The following RB1CC1 variants were observed in gnomAD, a reference collection of about 807,000 sequenced individuals.
The protein encoded by RB1CC1 is RB1 inducible coiled-coil 1, also known as RB1-inducible coiled-coil protein 1.
Under a neutral mutation model 177.5 loss-of-function variants are expected in RB1CC1, and 46 were observed. The ratio of observed to expected loss-of-function variants is 0.26; its 90% CI spans 0.20 to 0.33. The LOEUF is 0.33. Among genes scored for constraint, RB1CC1 ranks in the 10% least tolerant of loss-of-function variants. The pLI is 1.00. For synonymous variants in RB1CC1, 666 were observed against 613.6 expected, an observed-to-expected ratio of 1.09 and a Z score of -1.26; for missense variants, 1,703 against 1,816.3, an observed-to-expected ratio of 0.94 and a Z score of 1.13.
intron 21 of RB1CC1, among the ~76,000 whole-genome samples, chr8:52,629,424 T>A (rs537071457): frequency 6.6e-6 from 1 of 152,164 alleles, no homozygotes; most frequent in African/African-American, 2.4e-5. Flanking sequence ...AACCATTCAA[T>A]TGATAAATTC....
intron 15 of RB1CC1, among the ~76,000 whole-genome samples, chr8:52,655,284 A>C (rs540277901): frequency 1.3e-5 from 2 of 152,326 alleles, no homozygotes; most frequent in South Asian, 4.1e-4. Context: ...GTTGAAATAT[A>C]TATGTATTCA....
At chr8:52,697,586 CA>C (rs573139200) in intron 1 of RB1CC1, among the ~76,000 whole-genome samples, 253 of 152,114 alleles carry the variant, frequency 1.7e-3, no homozygotes, top group Non-Finnish European at 3.3e-3. Flanking sequence ...ACTAGTCTAG[CA>C]AAAATAAGCG....
chr8:52,633,434 G>A (rs113403513), intron 20 of RB1CC1, among the ~76,000 whole-genome samples: 28 of 152,128 alleles, frequency 1.8e-4, no homozygotes, highest in East Asian at 7.7e-4. Flanking sequence ...CATAAAACAC[G>A]TATTGAGTCA....
intron 20 of RB1CC1, 142 bp downstream of exon 20, chr8:52,634,779 T>A (rs1849004923): frequency 1.5e-6 from 1 of 648,110 alleles, no homozygotes; most frequent in Non-Finnish European, 2.5e-6. Flanking sequence ...TCAATAGGAT[T>A]CAATGACCAA....
chr8:52,634,858 A>C, intron 20 of RB1CC1, 63 bp downstream of exon 20: 1 of 1,357,212 alleles, frequency 7.4e-7, no homozygotes, highest in Non-Finnish European at 1.0e-6. Context: ...TATCTTCATA[A>C]TGAAATATAA....
At chr8:52,652,263 G>A (rs1281899570) in intron 15 of RB1CC1, among the ~76,000 whole-genome samples, 3 of 151,890 alleles carry the variant, frequency 2.0e-5, no homozygotes, top group Non-Finnish European at 2.9e-5. Context: ...TCAGGAGATC[G>A]AGACCATCCT....
At chr8:52,631,676 A>T (rs189826404) in intron 20 of RB1CC1, among the ~76,000 whole-genome samples, 2 of 152,280 alleles carry the variant, frequency 1.3e-5, no homozygotes, top group East Asian at 3.9e-4. Flanking sequence ...ATTGGTCCAA[A>T]CTACCTTTAA....
At chr8:52,638,326 A>G (rs1239137484) in intron 18 of RB1CC1, among the ~76,000 whole-genome samples, 1 of 152,210 alleles carries the variant, frequency 6.6e-6, no homozygotes, top group Non-Finnish European at 1.5e-5. Context: ...CATTTCTGAA[A>G]TAAAGCCAAT....
chr8:52,635,069 C>G, intron 19 of RB1CC1, 101 bp from the exon 20 acceptor site: 1 of 1,100,400 alleles, frequency 9.1e-7, no homozygotes, highest in Admixed American at 2.6e-5. Context: ...ATGTTTGGTT[C>G]GGGTATGAAA....
At chr8:52,649,477 T>C (rs1850371012) in intron 15 of RB1CC1, among the ~76,000 whole-genome samples, 1 of 152,212 alleles carries the variant, frequency 6.6e-6, no homozygotes, top group Non-Finnish European at 1.5e-5. Flanking sequence ...GCTTGAACTC[T>C]TAACACTGAC....
intron 18 of RB1CC1, among the ~76,000 whole-genome samples, chr8:52,640,501 A>G (rs1849481764): frequency 1.3e-5 from 2 of 152,210 alleles, no homozygotes; most frequent in South Asian, 4.1e-4. Flanking sequence ...CAATCAAAAA[A>G]GCCTTAAATT....
At chr8:52,626,873 C>A (rs1467107383) in intron 22 of RB1CC1, among the ~76,000 whole-genome samples, 2 of 152,094 alleles carry the variant, frequency 1.3e-5, no homozygotes, top group African/African-American at 4.8e-5. Flanking sequence ...CAAAGTGAGA[C>A]CCTGCCTCTA....
At chr8:52,699,985 C>A (rs1223903319) in intron 1 of RB1CC1, among the ~76,000 whole-genome samples, 1 of 151,352 alleles carries the variant, frequency 6.6e-6, no homozygotes, top group East Asian at 1.9e-4. Context: ...TAAAAGGCTA[C>A]TACAAAGAAC....
intron 20 of RB1CC1, among the ~76,000 whole-genome samples, chr8:52,633,908 G>A (rs1848936833): frequency 6.6e-6 from 1 of 152,114 alleles, no homozygotes; most frequent in Non-Finnish European, 1.5e-5. Context: ...GGACAAGATG[G>A]TGAAACCCCA....
In RB1CC1 at chr8:52,642,607, ATTT is replaced by A; in HGVS notation, c.4097-19_4097-17del. Reference sequence around the variant, plus strand: ...TCTATCAAATCTGAAGGACACCCAAATTTAAAAAAGTATCATGTAATTAAAAAA... The same window carrying A: ...TCTATCAAATCTGAAGGACACCCAAAAAAAAAGTATCATGTAATTAAAAAA... On this transcript the variant is annotated splice_polypyrimidine_tract_variant and intron_variant, in intron 17 of 23. Coordinates refer to ENST00000025008, the MANE Select transcript of RB1CC1 (RefSeq NM_014781.5). 6.2e-7 allele frequency: 1 copy of A among 1,609,730 alleles called. No homozygotes were observed. The highest frequency in any genetic ancestry group is 1.7e-5 in the Admixed American group (1 of 59,114).
At chr8:52,706,471 G>C (rs1304748128) in intron 1 of RB1CC1, among the ~76,000 whole-genome samples, 1 of 151,358 alleles carries the variant, frequency 6.6e-6, no homozygotes, top group Non-Finnish European at 1.5e-5. Flanking sequence ...CCGCCTCCCA[G>C]GTTCAAGAGA....
intron 1 of RB1CC1, among the ~76,000 whole-genome samples, chr8:52,693,415 C>G (rs1437123014): frequency 3.3e-5 from 5 of 151,654 alleles, no homozygotes; most frequent in African/African-American, 1.2e-4. Context: ...GGAACTTAAA[C>G]AAATTTACAA....
chr8:52,656,636 C>T lies in RB1CC1; in HGVS notation c.3193G>A (p.Ala1065Thr). The T allele has an allele frequency of 1.9e-6, 3 of 1,613,886 alleles. No individual in the cohort carries two copies. The highest frequency in any genetic ancestry group is 1.7e-6 in the Non-Finnish European group (2 of 1,179,920). The change falls in exon 15 of 24, where the codon GCG becomes ACG. Residue 1065 changes from alanine to threonine, a missense_variant. This residue lies in a region of RB1CC1 where 1,169 missense variants were observed against 1,184.7 expected (regional missense o/e 0.99). Coordinates refer to ENST00000025008, the MANE Select transcript of RB1CC1 (RefSeq NM_014781.5). ...TCATCAGTTTCTGCTTCCTTCAACGCAAGTTCAACCTCTAACTTGCATCTC... is the reference window on the plus strand; with the variant it reads ...TCATCAGTTTCTGCTTCCTTCAACGTAAGTTCAACCTCTAACTTGCATCTC... The part of the protein sequence containing the change: ...DTRCKLEVEL[A>T]LKEAETDEIK...
chr8:52,653,056 TCAAAAAACAAACAAA>T (rs1268154636), intron 15 of RB1CC1, among the ~76,000 whole-genome samples: 2 of 151,996 alleles, frequency 1.3e-5, no homozygotes, highest in East Asian at 1.9e-4. Flanking sequence ...AAACTCCGTC[TCAAAAAACAAACAAA>T]CAAAAAACAA....
Sources: gnomAD v4.1 joint callset for allele counts (sites outside exome capture counted in the v4.1 genomes callset) on GRCh38, gnomAD v4.1.1 for gene constraint, gnomAD v4.1.1 regional missense constraint, MANE v1.5 for transcripts, NCBI Gene and HGNC (gene_info 2026-07-23, HGNC 2026-07-21) for gene names.